The following ANKRD42 variants were observed in gnomAD, a reference collection of about 807,000 sequenced individuals.
The protein encoded by ANKRD42 is ankyrin repeat domain-containing protein 42.
A neutral mutation model predicts 51.5 loss-of-function variants in ANKRD42; 43 were observed. That is an observed-to-expected ratio of 0.83 (90% confidence interval 0.65 to 1.08). The LOEUF (loss-of-function observed/expected upper bound fraction) is 1.08, where lower values mean the gene tolerates loss of function less well. ANKRD42 is among the 50% of genes least tolerant of loss of function. The pLI is 0.00. For synonymous variants in ANKRD42, 203 were observed against 213.0 expected, an observed-to-expected ratio of 0.95 and a Z score of 0.41; for missense variants, 608 against 629.3, an observed-to-expected ratio of 0.97 and a Z score of 0.36.
intron 5 of ANKRD42, among the ~76,000 whole-genome samples, chr11:83,212,130 C>G (rs2135505130): frequency 6.6e-6 from 1 of 152,014 alleles, no homozygotes; most frequent in East Asian, 1.9e-4. Context: ...GTTGCCCAGG[C>G]TGGAGTGCAG....
At chr11:83,239,326 C>G (rs1336897421) in intron 8 of ANKRD42, among the ~76,000 whole-genome samples, 1 of 152,038 alleles carries the variant, frequency 6.6e-6, no homozygotes, top group Admixed American at 6.6e-5. Context: ...AGTTCTTTTT[C>G]AGATATATAC....
rs571402267 is a variant in ANKRD42 at position 83,193,785 on chromosome 11, C to T, written c.-886C>T. ...GAGTCGGGAGGCTGGAAAGAGACTC[C>T]GAGAAAGTACCAGCGGAAGGCGGCC... is the stretch of plus-strand genomic sequence containing the variant. On this transcript the variant is annotated 5_prime_UTR_variant, in exon 1 of 11. Coordinates refer to ENST00000533342, the MANE Select transcript of ANKRD42 (RefSeq NM_001300975.2). 1 of 451,592 alleles carries T rather than the reference C, an allele frequency of 2.2e-6. No individual in the cohort carries two copies. The allele number at this position is 451,592 out of a possible 1,614,324, so 28.0% of individuals were successfully genotyped here.
intron 2 of ANKRD42, among the ~76,000 whole-genome samples, chr11:83,202,317 C>G (rs534499304): frequency 6.6e-6 from 1 of 152,334 alleles, no homozygotes; most frequent in East Asian, 1.9e-4. Context: ...GGTGTTATTT[C>G]TGAGCACTCT....
At chr11:83,255,822 A>C in intron 11 of ANKRD42, 2 of 1,500,708 alleles carry the variant, frequency 1.3e-6, no homozygotes, top group Non-Finnish European at 1.8e-6. Flanking sequence ...ATTGTATTTG[A>C]CCCTCTTTTC....
rs560046269 is a variant in ANKRD42, at chr11:83,247,931, T to C, written c.1323-12T>C. ...TTGATGATTGATTTTTAAAAAATTT[T>C]GTTTTTGATAGGACCATCAAAGAAC... On this transcript the variant is annotated splice_polypyrimidine_tract_variant and intron_variant, in intron 10 of 10. Coordinates refer to ENST00000533342, the MANE Select transcript of ANKRD42 (RefSeq NM_001300975.2). The C allele has an allele frequency of 2.6e-5, 41 of 1,574,318 alleles. No homozygotes were observed. The highest frequency in any genetic ancestry group is 1.7e-4 in the Middle Eastern group (1 of 5,846).
intron 7 of ANKRD42, among the ~76,000 whole-genome samples, chr11:83,234,389 A>G (rs1424572393): frequency 2.6e-5 from 4 of 152,216 alleles, no homozygotes; most frequent in Non-Finnish European, 5.9e-5. Context: ...GTTTAGAACT[A>G]TGACTTCTCC....
chr11:83,262,805 A>G (rs1864003627), downstream of ANKRD42, among the ~76,000 whole-genome samples: 2 of 152,188 alleles, frequency 1.3e-5, no homozygotes, highest in African/African-American at 4.8e-5. Context: ...AGTTTTAAGA[A>G]ATGGGATTAG....
chr11:83,258,498 C>T (rs894377219), downstream of ANKRD42, among the ~76,000 whole-genome samples: 1 of 152,054 alleles, frequency 6.6e-6, no homozygotes, highest in Non-Finnish European at 1.5e-5. Flanking sequence ...AGACTTGAGT[C>T]CCTGTGACTT....
At chr11:83,246,003 AC>A (rs914401806) in intron 10 of ANKRD42, among the ~76,000 whole-genome samples, 5 of 152,144 alleles carry the variant, frequency 3.3e-5, no homozygotes, top group Non-Finnish European at 7.4e-5. Context: ...TGATTATAGT[AC>A]CCAACAGAGA....
intron 7 of ANKRD42, among the ~76,000 whole-genome samples, 162 bp downstream of exon 7, chr11:83,228,034 A>G (rs1862945077): frequency 6.6e-6 from 1 of 152,102 alleles, no homozygotes; most frequent in South Asian, 2.1e-4. Flanking sequence ...CTAATTTTCA[A>G]TTCAAGTGTA....
At chr11:83,236,359 AC>A in intron 7 of ANKRD42, 44 bp from the exon 8 acceptor site, 6 of 1,521,308 alleles carry the variant, frequency 3.9e-6, no homozygotes, top group Non-Finnish European at 4.4e-6. Context: ...CTAATAACTA[AC>A]TTTTTTGTGT....
intron 2 of ANKRD42, among the ~76,000 whole-genome samples, chr11:83,203,510 C>T (rs1464664719): frequency 2.0e-5 from 3 of 151,280 alleles, no homozygotes; most frequent in Non-Finnish European, 4.4e-5. Flanking sequence ...TCTCCTGCCT[C>T]AGCCTCCCGA....
chr11:83,217,630 T>A (rs1862582825), intron 5 of ANKRD42, among the ~76,000 whole-genome samples: 1 of 152,214 alleles, frequency 6.6e-6, no homozygotes, highest in Non-Finnish European at 1.5e-5. Flanking sequence ...GCACTTGCCC[T>A]GGCCACCCTC....
At chr11:83,263,793 G>C (rs1214000595), downstream of ANKRD42, among the ~76,000 whole-genome samples, 1 of 152,118 alleles carries the variant, frequency 6.6e-6, no homozygotes, top group Non-Finnish European at 1.5e-5. Context: ...AGAAATTGAG[G>C]CACACAGTCA....
chr11:83,248,765 T>C lies in ANKRD42; in HGVS notation c.*561T>C. Reference sequence around the variant, plus strand: ...TGTATAGTGTTAAAAACAAGATAGATGTTCCTTCTGACACTAAGTTCCACT... The same window carrying C: ...TGTATAGTGTTAAAAACAAGATAGACGTTCCTTCTGACACTAAGTTCCACT... On this transcript the variant is annotated 3_prime_UTR_variant, in exon 11 of 11. Transcript: ENST00000533342. 1 of 976,012 alleles carries C rather than the reference T, an allele frequency of 1.0e-6. No individual in the cohort carries two copies. Among genetic ancestry groups the C allele is most frequent in the Non-Finnish European group, 1.2e-6 (1 of 821,348 alleles). The allele number at this position is 976,012 out of a possible 1,614,324, so 60.5% of individuals were successfully genotyped here.
downstream of ANKRD42, among the ~76,000 whole-genome samples, chr11:83,252,788 C>T (rs902050662): frequency 4.6e-5 from 7 of 151,194 alleles, no homozygotes; most frequent in African/African-American, 1.7e-4. Context: ...TCTTTGTGCT[C>T]TTTGGTATAT....
At chr11:83,204,238 C>G (rs1409189160) in intron 2 of ANKRD42, among the ~76,000 whole-genome samples, 1 of 152,168 alleles carries the variant, frequency 6.6e-6, no homozygotes, top group Non-Finnish European at 1.5e-5. Flanking sequence ...CCACTGCACC[C>G]AGCCGGTCAA....
At chr11:83,205,964 A>C in intron 2 of ANKRD42, 94 bp from the exon 3 acceptor site, 1 of 1,002,988 alleles carries the variant, frequency 1.0e-6, no homozygotes, top group African/African-American at 1.6e-5. Flanking sequence ...CTCATTCACT[A>C]CAGTCTGCTA....
rs1863363343 is a variant in ANKRD42 at position 83,240,824 on chromosome 11, A to G, written c.1085A>G (p.Asn362Ser). ...CAGAAATATGATATAGATGACGAAA[A>G]TGAAATTGATGAAAATGATGTGAAA... is the stretch of plus-strand genomic sequence containing the variant. Reference protein sequence around the residue: ...ELQKYDIDDENEIDENDVKYF... With the variant: ...ELQKYDIDDESEIDENDVKYF... Residue 362 changes from asparagine (N) to serine (S), a missense_variant, in exon 9 of 11, where the codon AAT (asparagine) becomes AGT (serine). Asn to Ser is a conservative substitution (Grantham distance 46). Transcript: ENST00000533342. The G allele has an allele frequency of 6.2e-7, 1 of 1,614,162 alleles. No individual in the cohort carries two copies. The highest frequency in any genetic ancestry group is 1.3e-5 in the African/African-American group (1 of 75,058).
Sources: allele counts gnomAD v4.1 joint callset (sites outside exome capture counted in the v4.1 genomes callset), GRCh38; gene constraint gnomAD v4.1.1; transcripts MANE v1.5; gene names NCBI Gene and HGNC (gene_info 2026-07-23, HGNC 2026-07-21).